Variants in ATP6V0A4 observed in about 807,000 individuals in gnomAD.
The protein encoded by ATP6V0A4 is V-type proton ATPase 116 kDa subunit a 4.
ATP6V0A4 carries 86 observed loss-of-function variants against 107.3 expected under a neutral mutation model. The ratio of observed to expected loss-of-function variants is 0.80; its 90% CI spans 0.67 to 0.96. The LOEUF is 0.96. Among genes scored for constraint, ATP6V0A4 ranks in the 40% least tolerant of loss-of-function variants. The pLI is 0.00. For synonymous variants in ATP6V0A4, 353 were observed against 381.4 expected (o/e 0.93, Z 0.87); for missense variants, 908 against 1,045.6 (o/e 0.87, Z 1.81).
chr7:138,780,057 A>G (rs2130182688), intron 2 of ATP6V0A4: 1 of 152,226 alleles, frequency 6.6e-6, no homozygotes, highest in African/African-American at 2.4e-5. Flanking sequence ...CCAAATTTTC[A>G]TTCCTGAAGA....
intron 2 of ATP6V0A4, among the ~76,000 whole-genome samples, chr7:138,785,810 G>A (rs1477950717): frequency 6.6e-6 from 1 of 152,178 alleles, no homozygotes; most frequent in Non-Finnish European, 1.5e-5. Context: ...AGGTCCAAGA[G>A]TTCATGAATC....
chr7:138,740,795 AT>A (rs1161030015), intron 14 of ATP6V0A4, among the ~76,000 whole-genome samples: 4 of 150,828 alleles, frequency 2.7e-5, no homozygotes, highest in South Asian at 2.1e-4. Flanking sequence ...TGTTGAGTTG[AT>A]TTTTTTTTAA....
Position 138,762,892 on chromosome 7 carries a change from G to A in ATP6V0A4, c.417+8C>T, listed in dbSNP as rs767661194. 9.3e-6 allele frequency: 15 copies of A among 1,613,718 alleles called. No homozygotes were observed. Among genetic ancestry groups the A allele is most frequent in the Non-Finnish European group, 1.3e-5 (15 of 1,179,886 alleles). On this transcript the variant is annotated splice_region_variant and intron_variant, in intron 6 of 21. Coordinates refer to ENST00000310018, the MANE Select transcript of ATP6V0A4 (RefSeq NM_020632.3). ...GGGCCCTTTAGTAACTCATCCCCACGTGACCACCTCAAAGAAGTCTTGGGT... is the reference window on the plus strand; with the variant it reads ...GGGCCCTTTAGTAACTCATCCCCACATGACCACCTCAAAGAAGTCTTGGGT...
At chr7:138,771,066 G>A (rs1807356354) in intron 3 of ATP6V0A4, 65 bp downstream of exon 3, 19 of 1,437,782 alleles carry the variant, frequency 1.3e-5, no homozygotes, top group Admixed American at 1.7e-5. Context: ...ATAAAGAAGT[G>A]TTGTGCAAGA....
In ATP6V0A4 at chr7:138,706,633, G is replaced by A. The variant is rs368964932; in HGVS notation, c.2514C>T (p.Ala838=). 1.3e-5 allele frequency: 21 copies of A among 1,613,750 alleles called. No homozygotes were observed. The highest frequency in any genetic ancestry group is 4.5e-5 in the East Asian group (2 of 44,870). Residue 838 remains alanine, a synonymous_variant, in exon 22 of 22, where the codon GCC becomes GCT. Transcript: ENST00000310018. ...FSFKHILDGT[A]EE ...AGGTGCAGCCCTCAGCCTACTCCTCGGCTGTGCCATCCAGGATGTGTTTAA... is the reference window on the plus strand; with the variant it reads ...AGGTGCAGCCCTCAGCCTACTCCTCAGCTGTGCCATCCAGGATGTGTTTAA...
intron 20 of ATP6V0A4, among the ~76,000 whole-genome samples, chr7:138,714,523 T>C (rs1441568453): frequency 6.6e-6 from 1 of 151,956 alleles, no homozygotes; most frequent in African/African-American, 2.4e-5. Flanking sequence ...CTGGGCAACA[T>C]AGTGAGACCT....
At chr7:138,771,036 CA>C (rs1563013450) in intron 3 of ATP6V0A4, 94 bp downstream of exon 3, 1 of 1,255,162 alleles carries the variant, frequency 8.0e-7, no homozygotes, top group Non-Finnish European at 1.2e-6. Context: ...CCTCTCCCTA[CA>C]AAATGGTTAT....
intron 14 of ATP6V0A4, among the ~76,000 whole-genome samples, chr7:138,741,745 G>C (rs575293288): frequency 3.2e-3 from 494 of 152,292 alleles, no homozygotes; most frequent in Non-Finnish European, 4.7e-3. Context: ...CCCTTGTTGA[G>C]TCAATACGCC....
intron 15 of ATP6V0A4, 94 bp from the exon 16 acceptor site, chr7:138,734,348 C>A: frequency 6.4e-7 from 1 of 1,572,526 alleles, no homozygotes; most frequent in Non-Finnish European, 8.7e-7. Context: ...CTAAGCAAAC[C>A]GCTCTGGGAA....
intron 14 of ATP6V0A4, among the ~76,000 whole-genome samples, chr7:138,744,735 C>A (rs923113542): frequency 4.0e-5 from 6 of 151,476 alleles, no homozygotes; most frequent in Admixed American, 1.3e-4. Flanking sequence ...TGGAGTCTCA[C>A]TCTGTCACCC....
At chr7:138,797,998 T>G in intron 1 of ATP6V0A4, 36 bp downstream of exon 1, 1 of 1,547,848 alleles carries the variant, frequency 6.5e-7, no homozygotes. Context: ...TCTGGCAGAG[T>G]TGCTTTCCAG....
chr7:138,766,093 A>C (rs984176873), intron 5 of ATP6V0A4, among the ~76,000 whole-genome samples: 20 of 152,078 alleles, frequency 1.3e-4, no homozygotes, highest in African/African-American at 4.6e-4. Context: ...AATAACATTC[A>C]GAAGAAAAAC....
intron 14 of ATP6V0A4, among the ~76,000 whole-genome samples, chr7:138,743,157 T>C (rs1425687105): frequency 6.6e-6 from 1 of 152,042 alleles, no homozygotes; most frequent in African/African-American, 2.4e-5. Flanking sequence ...GAAAGCTTTG[T>C]CAAAAGAAAC....
At chr7:138,787,457 G>A (rs1343296571) in intron 1 of ATP6V0A4, among the ~76,000 whole-genome samples, 1 of 152,130 alleles carries the variant, frequency 6.6e-6, no homozygotes, top group Non-Finnish European at 1.5e-5. Flanking sequence ...GGATTCTTGT[G>A]TTCCCAACCA....
intron 20 of ATP6V0A4, among the ~76,000 whole-genome samples, chr7:138,715,014 G>A (rs1803957281): frequency 6.6e-6 from 1 of 152,176 alleles, no homozygotes; most frequent in African/African-American, 2.4e-5. Flanking sequence ...ATTTGATGCT[G>A]GAAGCAGAGG....
intron 2 of ATP6V0A4, among the ~76,000 whole-genome samples, chr7:138,779,325 G>A (rs1239617639): frequency 6.6e-6 from 1 of 151,582 alleles, no homozygotes; most frequent in African/African-American, 2.4e-5. Flanking sequence ...TCCAGCCTGG[G>A]TGACAAAGTG....
At chr7:138,707,097 A>AGTGTGTGTGTGTG (rs1562972241) in intron 21 of ATP6V0A4, among the ~76,000 whole-genome samples, 968 of 47,008 alleles carry the variant, frequency 0.021, 34 homozygotes, top group African/African-American at 0.12. Flanking sequence ...TGTGTGTATA[A>AGTGTGTGTGTGTG]TATATCATAT....
intron 6 of ATP6V0A4, 45 bp downstream of exon 6, chr7:138,762,855 G>C (rs745357860): frequency 1.2e-6 from 2 of 1,601,526 alleles, no homozygotes; most frequent in South Asian, 2.2e-5. Flanking sequence ...GAAATTTGAG[G>C]TTCTGAGGAA....
At chr7:138,725,101 T>C (rs1023917579) in intron 18 of ATP6V0A4, among the ~76,000 whole-genome samples, 8 of 151,974 alleles carry the variant, frequency 5.3e-5, no homozygotes, top group Non-Finnish European at 7.4e-5. Context: ...CAAGACCTCA[T>C]CTCTACCAAA....
Sources: gnomAD v4.1 joint callset for allele counts (sites outside exome capture counted in the v4.1 genomes callset) on GRCh38, gnomAD v4.1.1 for gene constraint, MANE v1.5 for transcripts, NCBI Gene and HGNC (gene_info 2026-07-23, HGNC 2026-07-21) for gene names.